SMC1B: variants seen among roughly 807,000 people sequenced by gnomAD.
SMC1B encodes the protein structural maintenance of chromosomes 1B.
In SMC1B, 60 loss-of-function variants were observed where a neutral mutation model predicts 157.9. That is an observed-to-expected ratio of 0.38 (90% CI 0.31 to 0.47). SMC1B has a LOEUF of 0.47. Among genes scored for constraint, SMC1B ranks in the 20% least tolerant of loss-of-function variants. SMC1B has a pLI of 0.99. For synonymous variants in SMC1B, 445 were observed against 483.0 expected, an observed-to-expected ratio of 0.92 and a Z score of 1.03; for missense variants, 1,165 against 1,426.2, an observed-to-expected ratio of 0.82 and a Z score of 2.95.
chr22:45,394,163 CAA>C (rs796952190), intron 8 of SMC1B, among the ~76,000 whole-genome samples: 1 of 141,486 alleles, frequency 7.1e-6, no homozygotes, highest in Admixed American at 7.1e-5. Context: ...CTACAAAATA[CAA>C]AAAAAAAAAA....
chr22:45,398,367 C>T (rs2087150699), intron 6 of SMC1B, among the ~76,000 whole-genome samples: 1 of 152,194 alleles, frequency 6.6e-6, no homozygotes, highest in African/African-American at 2.4e-5. Context: ...CCCTCTTCTG[C>T]TGGGGGCTGA....
At chr22:45,375,201 C>G (rs2086872852) in intron 12 of SMC1B, among the ~76,000 whole-genome samples, 1 of 152,162 alleles carries the variant, frequency 6.6e-6, no homozygotes, top group Non-Finnish European at 1.5e-5. Context: ...AATAATGCAA[C>G]CATTTGTCTC....
At chr22:45,360,804 A>T (rs1321784736) in intron 17 of SMC1B, among the ~76,000 whole-genome samples, 1 of 152,260 alleles carries the variant, frequency 6.6e-6, no homozygotes, top group Non-Finnish European at 1.5e-5. Context: ...AAACTGTGAA[A>T]TGCCAAAAGG....
intron 12 of SMC1B, among the ~76,000 whole-genome samples, chr22:45,381,104 G>A (rs184418054): frequency 8.5e-5 from 13 of 152,100 alleles, no homozygotes; most frequent in African/African-American, 2.7e-4. Flanking sequence ...CCAGAAGTAC[G>A]TTTTTTAGTC....
chr22:45,402,228 G>A, intron 5 of SMC1B, 105 bp downstream of exon 5: 1 of 844,592 alleles, frequency 1.2e-6, no homozygotes, highest in Non-Finnish European at 1.9e-6. Flanking sequence ...GTATTCCAAA[G>A]TAAAAAGCTT....
In SMC1B at chr22:45,388,842, G is replaced by T. The variant is rs1300746501; in HGVS notation, c.1731+870C>A. On this transcript the variant is annotated intron_variant, in intron 10 of 24. Transcript: ENST00000357450. ...AATACAAAAAAAAGAAAAAAAATCA[G>T]CCGGGCGTGCTGGCACATACCTGTA... is the stretch of plus-strand genomic sequence containing the variant. Among the ~76,000 whole-genome samples the T allele has an allele frequency of 2.6e-5, 4 of 151,828 alleles. No individual in the cohort carries two copies. The East Asian group carries it at 7.7e-4, about 29-fold the overall frequency.
rs1428864051 is a variant in SMC1B, at chr22:45,394,844, A to C, written c.1255-77T>G. On this transcript the variant is annotated intron_variant, in intron 7 of 24. Transcript: ENST00000357450. ...AAATTACATGCCTAGAACTTACTATAATATTATAAGCTGTTATAAAATTGA... is the reference window on the plus strand; with the variant it reads ...AAATTACATGCCTAGAACTTACTATCATATTATAAGCTGTTATAAAATTGA... 15 of 1,342,886 alleles carry C rather than the reference A, an allele frequency of 1.1e-5. No homozygotes were observed. The African/African-American group carries it at 2.1e-4, about 19-fold the overall frequency. The allele number at this position is 1,342,886 out of a possible 1,614,324, so 83.2% of individuals were successfully genotyped here.
At chr22:45,401,411 G>A (rs1333100630) in intron 5 of SMC1B, among the ~76,000 whole-genome samples, 2 of 152,210 alleles carry the variant, frequency 1.3e-5, no homozygotes, top group Non-Finnish European at 2.9e-5. Context: ...AATAGAAAAG[G>A]GGTACTCAGA....
chr22:45,365,119 G>A (rs2086762764), intron 15 of SMC1B, among the ~76,000 whole-genome samples: 1 of 152,102 alleles, frequency 6.6e-6, no homozygotes, highest in African/African-American at 2.4e-5. Context: ...TTACAGGCAT[G>A]AGCCACCGCA....
rs1303689402 is a variant in SMC1B at position 45,402,332 on chromosome 22, C to T, written c.854+1G>A. 1 of 1,602,286 alleles carries T rather than the reference C, an allele frequency of 6.2e-7. No individual in the cohort carries two copies. On this transcript the variant is annotated splice_donor_variant, in intron 5 of 24. Transcript: ENST00000357450. LOFTEE classifies it high-confidence loss of function. The stretch of plus-strand genomic sequence containing the variant: ...GTTAATATCTACTTTTAAAAACTCA[C>T]TTTAATTCTTTTTCTGTTTGTTGTA...
At chr22:45,397,124 T>C (rs1184489904) in intron 6 of SMC1B, among the ~76,000 whole-genome samples, 2 of 107,586 alleles carry the variant, frequency 1.9e-5, no homozygotes, top group Non-Finnish European at 3.4e-5. Context: ...TATAACTATA[T>C]AAGTAGAAAA....
chr22:45,348,775 T>C (rs967479924), intron 23 of SMC1B, among the ~76,000 whole-genome samples: 2 of 151,514 alleles, frequency 1.3e-5, no homozygotes, highest in Non-Finnish European at 2.9e-5. Flanking sequence ...CTCGGCTCAC[T>C]GCAATCTCTG....
In SMC1B at chr22:45,399,272, T is replaced by C; in HGVS notation, c.936A>G (p.Leu312=). The C allele has an allele frequency of 6.2e-7, 1 of 1,613,890 alleles. No individual in the cohort carries two copies. Among genetic ancestry groups the C allele is most frequent in the Non-Finnish European group, 8.5e-7 (1 of 1,179,776 alleles). ...KENTSHHLKK[L]DVAKKSIKDS... ...CCTTTATTGATTTCTTAGCCACATC[T>C]AATTTCTTAAGGTGGTGAGAAGTGT... The change falls in exon 6 of 25, where the codon TTA becomes TTG. Residue 312 remains leucine, a synonymous_variant. Coordinates refer to ENST00000357450, the MANE Select transcript of SMC1B (RefSeq NM_148674.5).
In SMC1B at chr22:45,359,909, C is replaced by T. The variant is rs758562337; in HGVS notation, c.2758G>A (p.Glu920Lys). 2.2e-5 allele frequency: 36 copies of T among 1,613,872 alleles called. No homozygotes were observed. The highest frequency in any genetic ancestry group is 2.9e-5 in the Non-Finnish European group (34 of 1,179,916). ...TTATGCTTCTCTAATCGTTTCTGTTCCAGAGAAGTTTGAATACTTACAACT... is the reference window on the plus strand; with the variant it reads ...TTATGCTTCTCTAATCGTTTCTGTTTCAGAGAAGTTTGAATACTTACAACT... ...KEVVSIQTSL[E>K]QKRLEKHNLL... The change falls in exon 18 of 25, where the codon GAA (glutamate) becomes AAA (lysine). Residue 920 changes from glutamate to lysine, a missense_variant. Transcript: ENST00000357450.
At chr22:45,401,009 G>A (rs551500233) in intron 5 of SMC1B, among the ~76,000 whole-genome samples, 1 of 152,142 alleles carries the variant, frequency 6.6e-6, no homozygotes, top group Non-Finnish European at 1.5e-5. Context: ...ACAGCTAAAA[G>A]GTGCCTAAGG....
chr22:45,380,116 C>T (rs1018072689), intron 12 of SMC1B, among the ~76,000 whole-genome samples: 4 of 152,104 alleles, frequency 2.6e-5, no homozygotes, highest in Admixed American at 2.0e-4. Context: ...GGCAGATCCT[C>T]GAAAGGTAAA....
chr22:45,347,861 T>C (rs1379649986), intron 23 of SMC1B, among the ~76,000 whole-genome samples: 1 of 152,222 alleles, frequency 6.6e-6, no homozygotes, highest in Non-Finnish European at 1.5e-5. Flanking sequence ...TTCTAGAAGA[T>C]GGATGGGCCT....
chr22:45,393,159 A>G (rs1032730378), intron 9 of SMC1B, among the ~76,000 whole-genome samples: 1 of 152,214 alleles, frequency 6.6e-6, no homozygotes, highest in Non-Finnish European at 1.5e-5. Context: ...CTGGCACCCC[A>G]AGCAACAAGT....
At chr22:45,347,604 A>C (rs1462533479) in intron 23 of SMC1B, among the ~76,000 whole-genome samples, 1 of 152,036 alleles carries the variant, frequency 6.6e-6, no homozygotes, top group Non-Finnish European at 1.5e-5. Context: ...ATGCCAATTT[A>C]TTTCTTTTTT....
Sources: gnomAD v4.1 joint callset for allele counts (sites outside exome capture counted in the v4.1 genomes callset) on GRCh38, gnomAD v4.1.1 for gene constraint, MANE v1.5 for transcripts, NCBI Gene and HGNC (gene_info 2026-07-23, HGNC 2026-07-21) for gene names.